RALGPS1: variants seen among roughly 807,000 people sequenced by gnomAD.
RALGPS1 encodes the protein ras-specific guanine nucleotide-releasing factor RalGPS1.
A neutral mutation model predicts 78.8 loss-of-function variants in RALGPS1; 19 were observed. That is an observed-to-expected ratio of 0.24 (90% CI 0.17 to 0.35). The LOEUF (loss-of-function observed/expected upper bound fraction) is 0.35. Ranked by LOEUF, RALGPS1 falls within the 10% of genes least tolerant of loss-of-function variation. The probability of loss-of-function intolerance (pLI) is 1.00; values close to 1 mark genes in which losing one functional copy is unlikely to be tolerated. For synonymous variants in RALGPS1, 228 were observed against 256.3 expected, an observed-to-expected ratio of 0.89 and a Z score of 1.06; for missense variants, 454 against 688.3, an observed-to-expected ratio of 0.66 and a Z score of 3.81.
intron 14 of RALGPS1, among the ~76,000 whole-genome samples, chr9:127,201,251 G>A (rs1199237357): frequency 6.6e-6 from 1 of 152,248 alleles, no homozygotes; most frequent in Non-Finnish European, 1.5e-5. Context: ...CAGATGCCCG[G>A]CTCTGCCTCC....
At chr9:127,081,280 G>A (rs773808213) in intron 8 of RALGPS1, among the ~76,000 whole-genome samples, 7 of 152,062 alleles carry the variant, frequency 4.6e-5, no homozygotes, top group Non-Finnish European at 8.8e-5. Flanking sequence ...TGGGCTCTAA[G>A]ATAGGTAGCC....
At position 127,220,350 on chromosome 9, in the gene RALGPS1, T is replaced by C. The variant is rs999682786; in HGVS notation, c.*1581T>C. 3 of 152,200 alleles carry C rather than the reference T, an allele frequency of 2.0e-5. No homozygotes were observed. The highest frequency in any genetic ancestry group is 4.4e-5 in the Non-Finnish European group (3 of 68,028). The allele number at this position is 152,200 out of a possible 1,614,324, so 9.4% of individuals were successfully genotyped here. The stretch of plus-strand genomic sequence containing the variant: ...TCAAAACGACCAAAAGACCCACCAC[T>C]GTATTTTGACCAAATAATGACAACT... On this transcript the variant is annotated 3_prime_UTR_variant, in exon 19 of 19. Transcript: ENST00000259351.
intron 3 of RALGPS1, among the ~76,000 whole-genome samples, chr9:126,973,898 A>G (rs1346331317): frequency 2.6e-5 from 4 of 152,068 alleles, no homozygotes; most frequent in Non-Finnish European, 4.4e-5. Flanking sequence ...TTGTTTTGAG[A>G]CAATCTCACT....
At chr9:126,981,518 G>T (rs2041245146) in intron 4 of RALGPS1, among the ~76,000 whole-genome samples, 1 of 152,204 alleles carries the variant, frequency 6.6e-6, no homozygotes, top group African/African-American at 2.4e-5. Flanking sequence ...GGCTCACTAT[G>T]CACAGGGTTG....
chr9:127,127,242 C>T (rs767470847), intron 8 of RALGPS1, among the ~76,000 whole-genome samples: 1 of 152,204 alleles, frequency 6.6e-6, no homozygotes, highest in Non-Finnish European at 1.5e-5. Flanking sequence ...CTGTGTGTCA[C>T]CGTGAACTGG....
chr9:126,953,375 G>A (rs933217046), intron 1 of RALGPS1, among the ~76,000 whole-genome samples: 7 of 101,708 alleles, frequency 6.9e-5, no homozygotes, highest in African/African-American at 1.4e-4. Flanking sequence ...ACGTGCATGC[G>A]TGTGTGTGTG....
At chr9:127,209,488 C>T (rs974978387) in intron 14 of RALGPS1, among the ~76,000 whole-genome samples, 1 of 152,214 alleles carries the variant, frequency 6.6e-6, no homozygotes, top group Non-Finnish European at 1.5e-5. Context: ...CTTGTCTGTG[C>T]TACAGCTCAG....
At chr9:126,995,847 CA>C (rs1425174773) in intron 4 of RALGPS1, among the ~76,000 whole-genome samples, 3 of 152,160 alleles carry the variant, frequency 2.0e-5, no homozygotes, top group African/African-American at 7.2e-5. Context: ...GAACACAGTG[CA>C]ATCAAACTAG....
In RALGPS1 at chr9:127,091,636, A is replaced by G; in HGVS notation, c.610+22280A>G. 1 of 1,601,120 alleles carries G rather than the reference A, an allele frequency of 6.2e-7. No individual in the cohort carries two copies. The highest frequency in any genetic ancestry group is 8.5e-7 in the Non-Finnish European group (1 of 1,172,660). ...TGGCTCTGGTTGACCTCTTTTCCCTACCCTGCACCTGGGTTTGACTCCACT... is the reference window on the plus strand; with the variant it reads ...TGGCTCTGGTTGACCTCTTTTCCCTGCCCTGCACCTGGGTTTGACTCCACT... On this transcript the variant is annotated intron_variant, in intron 8 of 18. Transcript: ENST00000259351. The surrounding 1 kb of genome is among the most constrained non-coding windows in gnomAD (Gnocchi z 4.3).
intron 5 of RALGPS1, among the ~76,000 whole-genome samples, chr9:127,039,926 T>C (rs372460404): frequency 6.6e-6 from 1 of 152,168 alleles, no homozygotes; most frequent in African/African-American, 2.4e-5. Flanking sequence ...GAAATAGAGA[T>C]TGTGATTTTC....
chr9:126,970,744 T>C (rs2040029534), intron 3 of RALGPS1, among the ~76,000 whole-genome samples: 1 of 152,194 alleles, frequency 6.6e-6, no homozygotes, highest in African/African-American at 2.4e-5. Context: ...CTCTGAACCA[T>C]ATTGCCCTGT....
intron 8 of RALGPS1, among the ~76,000 whole-genome samples, chr9:127,081,642 C>G (rs1436057444): frequency 6.6e-6 from 1 of 152,256 alleles, no homozygotes; most frequent in Non-Finnish European, 1.5e-5. Context: ...CTTCTAGGCT[C>G]TGGGCCATTC....
intron 4 of RALGPS1, among the ~76,000 whole-genome samples, chr9:127,029,436 GT>G (rs367905546): frequency 2.0e-5 from 3 of 151,320 alleles, no homozygotes; most frequent in Non-Finnish European, 4.4e-5. Flanking sequence ...CTTTCCTGTT[GT>G]TTTTTTTTCC....
At chr9:127,097,288 G>A (rs1589450536) in intron 8 of RALGPS1, among the ~76,000 whole-genome samples, 1 of 152,234 alleles carries the variant, frequency 6.6e-6, no homozygotes, top group South Asian at 2.1e-4. Context: ...AAAGGCAAAC[G>A]GGGTAATTCT....
intron 7 of RALGPS1, among the ~76,000 whole-genome samples, chr9:127,062,288 C>T (rs927826497): frequency 4.6e-5 from 7 of 152,006 alleles, no homozygotes; most frequent in African/African-American, 9.7e-5. Context: ...TTAGTAGAGA[C>T]GGGGTTTCAC....
chr9:126,983,930 A>G (rs925637540), intron 4 of RALGPS1, among the ~76,000 whole-genome samples: 1 of 152,070 alleles, frequency 6.6e-6, no homozygotes, highest in African/African-American at 2.4e-5. Flanking sequence ...GGAGACACCC[A>G]GTTGTTTTGC....
chr9:127,120,267 A>C (rs1378915375), intron 8 of RALGPS1, among the ~76,000 whole-genome samples: 1 of 152,218 alleles, frequency 6.6e-6, no homozygotes, highest in Admixed American at 6.5e-5. Flanking sequence ...GGCAGTGCCC[A>C]TGTGGGAAGC....
Position 127,183,790 on chromosome 9 carries a change from C to A in RALGPS1, c.910+9008C>A. ...TTCGGAATGGATGGGTGGGAGGGGC[C>A]CTCCATGAGGACCTCAGGGATAGGA... On this transcript the variant is annotated intron_variant, in intron 11 of 18. Transcript: ENST00000259351. This position sits in a 1 kb window ranked among gnomAD's most constrained non-coding sequence, Gnocchi z 4.0. 1 of 1,276,300 alleles carries A rather than the reference C, an allele frequency of 7.8e-7. No individual in the cohort carries two copies. The allele number at this position is 1,276,300 out of a possible 1,614,324, so 79.1% of individuals were successfully genotyped here.
At chr9:127,126,264 A>G (rs902861562) in intron 8 of RALGPS1, among the ~76,000 whole-genome samples, 7 of 152,030 alleles carry the variant, frequency 4.6e-5, no homozygotes, top group African/African-American at 1.7e-4. Context: ...TCCTGTATAC[A>G]TAATGGATCT....
Sources: gnomAD v4.1 joint callset for allele counts (sites outside exome capture counted in the v4.1 genomes callset) on GRCh38, gnomAD v4.1.1 for gene constraint, Gnocchi (gnomAD v3.1) non-coding constraint, MANE v1.5 for transcripts, NCBI Gene and HGNC (gene_info 2026-07-23, HGNC 2026-07-21) for gene names.